PLEKHM1: variants seen among roughly 807,000 people sequenced by gnomAD.
PLEKHM1 encodes the protein pleckstrin homology and RUN domain containing M1, also known as pleckstrin homology domain-containing family M member 1.
Under a neutral mutation model 94.3 loss-of-function variants are expected in PLEKHM1, and 28 were observed. The observed-to-expected ratio is 0.30, with a 90% CI of 0.22 to 0.41. The LOEUF (loss-of-function observed/expected upper bound fraction) is 0.41. Ranked by LOEUF, PLEKHM1 falls within the 10% of genes least tolerant of loss-of-function variation. PLEKHM1 has a pLI of 1.00. For missense variants in PLEKHM1, 907 were observed against 1,358.6 expected, an observed-to-expected ratio of 0.67 and a Z score of 5.22; for synonymous variants, 424 against 581.2, an observed-to-expected ratio of 0.73 and a Z score of 3.89.
At chr17:45,435,408 A>G (rs1351062323), downstream of PLEKHM1, among the ~76,000 whole-genome samples, 1 of 152,210 alleles carries the variant, frequency 6.6e-6, no homozygotes. Flanking sequence ...GAAGGTCAGC[A>G]GCCAAGTAAA....
At chr17:45,487,867 G>C (rs1303103044) in intron 1 of PLEKHM1, 1 of 454,182 alleles carries the variant, frequency 2.2e-6, no homozygotes, top group Non-Finnish European at 4.4e-6. Context: ...GTAACTGGCT[G>C]TTCAGAGCCA....
At position 45,475,600 on chromosome 17, in the gene PLEKHM1, C is replaced by T; in HGVS notation, c.423G>A (p.Glu141=). Residue 141 remains glutamate (E), a synonymous_variant, in exon 4 of 12, where the codon GAG becomes GAA. Transcript: ENST00000430334. ...GGTAGTACTCATGCAAGCGGGCCTGCTCCTGCAGCAGCAGCTTCAGGTAGC... is the reference window on the plus strand; with the variant it reads ...GGTAGTACTCATGCAAGCGGGCCTGTTCCTGCAGCAGCAGCTTCAGGTAGC... ...MECYLKLLLQ[E]QARLHEYYQP... 1 of 1,614,028 alleles carries T rather than the reference C, an allele frequency of 6.2e-7. No homozygotes were observed. Among genetic ancestry groups the T allele is most frequent in the South Asian group, 1.1e-5 (1 of 91,076 alleles).
rs775097146 is a variant in PLEKHM1 at position 45,468,368 on chromosome 17, G to C, written c.1149C>G (p.Pro383=). ...TCTCTACAGGCTGCTGTAAGTCCAG[G>C]GGGCTGGGCGCCTGGGGACGCGGCT... ...VQEPRPQAPS[P]LDLQQPVEST... is the part of the protein sequence containing the mutation. The change falls in exon 5 of 12, where the codon CCC becomes CCG. Residue 383 remains proline (P), a synonymous_variant. Coordinates refer to ENST00000430334, the MANE Select transcript of PLEKHM1 (RefSeq NM_014798.3). The C allele has an allele frequency of 1.9e-5, 30 of 1,614,028 alleles. 1 individual carries two copies. In the South Asian group the frequency reaches 2.5e-4, roughly 14 times the overall value.
intron 8 of PLEKHM1, among the ~76,000 whole-genome samples, chr17:45,448,709 G>C (rs562820194): frequency 3.2e-4 from 49 of 152,248 alleles, no homozygotes; most frequent in South Asian, 3.1e-3. Context: ...CACAGACACT[G>C]TTGTTAACCC....
chr17:45,447,294 T>C (rs1241601181), intron 8 of PLEKHM1, among the ~76,000 whole-genome samples: 1 of 152,178 alleles, frequency 6.6e-6, no homozygotes, highest in Non-Finnish European at 1.5e-5. Flanking sequence ...AACCTCTTCT[T>C]TTCCCAAAGC....
intron 9 of PLEKHM1, among the ~76,000 whole-genome samples, chr17:45,443,880 G>A (rs1253923751): frequency 6.6e-6 from 1 of 152,118 alleles, no homozygotes; most frequent in Non-Finnish European, 1.5e-5. Context: ...GCTTGGGATG[G>A]GCAGAGCCTC....
chr17:45,458,238 T>C lies in PLEKHM1; in HGVS notation c.1510A>G (p.Arg504Gly). 1.2e-6 allele frequency: 2 copies of C among 1,612,944 alleles called. No individual in the cohort carries two copies. The highest frequency in any genetic ancestry group is 1.7e-6 in the Non-Finnish European group (2 of 1,179,428). Residue 504 changes from arginine to glycine, a missense_variant, in exon 6 of 12, where the codon AGA (arginine) becomes GGA (glycine). Physicochemically the swap from Arg to Gly is moderately radical, Grantham distance 125. Transcript: ENST00000430334. ...GATGGGGCTGCCTGGGCTTGCCTTC[T>C]TCCTGGGGAAGGTACACACGCTTGG... ...LDQACVPSPGRRQAQAAPSQG... is the reference protein window; with the variant it reads ...LDQACVPSPGGRQAQAAPSQG...
At chr17:45,439,901 C>G in intron 10 of PLEKHM1, 1 of 640,216 alleles carries the variant, frequency 1.6e-6, no homozygotes, top group Non-Finnish European at 2.8e-6. Context: ...GTACCCTCCC[C>G]TTGGGGAAAG....
At chr17:45,465,448 C>A (rs1270843872) in intron 5 of PLEKHM1, among the ~76,000 whole-genome samples, 3 of 152,004 alleles carry the variant, frequency 2.0e-5, no homozygotes, top group Non-Finnish European at 2.9e-5. Context: ...GTGGCTCATG[C>A]CTGTAATCCC....
At chr17:45,440,853 G>T in intron 9 of PLEKHM1, 2 of 173,996 alleles carry the variant, frequency 1.1e-5, no homozygotes, top group East Asian at 1.5e-4. Flanking sequence ...CAGTGCTGGG[G>T]ACAGCAATGC....
chr17:45,472,522 A>G (rs1281796644), intron 4 of PLEKHM1, among the ~76,000 whole-genome samples: 1 of 152,190 alleles, frequency 6.6e-6, no homozygotes, highest in Non-Finnish European at 1.5e-5. Context: ...ACACACAGGA[A>G]GGGCTAAGAC....
At chr17:45,460,261 A>C (rs1440668789) in intron 5 of PLEKHM1, 1 of 152,002 alleles carries the variant, frequency 6.6e-6, no homozygotes, top group East Asian at 1.9e-4. Context: ...AATAAATACC[A>C]GTTTTGTTTT....
chr17:45,464,682 GCGC>G (rs1389178967), intron 5 of PLEKHM1, among the ~76,000 whole-genome samples: 2 of 152,114 alleles, frequency 1.3e-5, no homozygotes, highest in Admixed American at 6.5e-5. Flanking sequence ...TCAGCACCAA[GCGC>G]TTAGATGTCA....
At chr17:45,470,880 A>G (rs1225283064) in intron 4 of PLEKHM1, among the ~76,000 whole-genome samples, 3 of 151,616 alleles carry the variant, frequency 2.0e-5, no homozygotes, top group African/African-American at 7.3e-5. Context: ...TTTAACCAGG[A>G]TGGTCTCGAT....
Position 45,437,661 on chromosome 17 carries a change from G to A in PLEKHM1, c.*197C>T, listed in dbSNP as rs529881326. On this transcript the variant is annotated 3_prime_UTR_variant, in exon 12 of 12. Coordinates refer to ENST00000430334, the MANE Select transcript of PLEKHM1 (RefSeq NM_014798.3). The surrounding 1 kb of genome is among the most constrained non-coding windows in gnomAD (Gnocchi z 4.0). Reference sequence around the variant, plus strand: ...GCCACGCCTCCTGCAGCAGAGGGGTGGGGGGAGGGCCAGGGGACACCACGG... The same window carrying A: ...GCCACGCCTCCTGCAGCAGAGGGGTAGGGGGAGGGCCAGGGGACACCACGG... 2.8e-5 allele frequency: 19 copies of A among 682,394 alleles called. No individual in the cohort carries two copies. Among genetic ancestry groups the A allele is most frequent in the East Asian group, 8.4e-5 (3 of 35,842 alleles). The allele number at this position is 682,394 out of a possible 1,614,324, so 42.3% of individuals were successfully genotyped here.
At chr17:45,458,473 A>G (rs1259681059) in intron 5 of PLEKHM1, 34 bp from the exon 6 acceptor site, 2 of 1,598,554 alleles carry the variant, frequency 1.3e-6, no homozygotes, top group Non-Finnish European at 1.7e-6. Context: ...TGTTTGTTTT[A>G]AAGTTTTTTT....
At chr17:45,490,004 G>T (rs895966682) in intron 1 of PLEKHM1, among the ~76,000 whole-genome samples, 6 of 152,170 alleles carry the variant, frequency 3.9e-5, no homozygotes, top group African/African-American at 1.4e-4. Flanking sequence ...GCAAAGGAAG[G>T]TATACAGTGG....
chr17:45,463,266 C>T (rs968919572), intron 5 of PLEKHM1, among the ~76,000 whole-genome samples: 13 of 152,094 alleles, frequency 8.5e-5, no homozygotes, highest in African/African-American at 3.1e-4. Context: ...AATGCAGGTT[C>T]CTCGGAGCTT....
intron 8 of PLEKHM1, among the ~76,000 whole-genome samples, chr17:45,448,359 AG>A (rs2050674927): frequency 6.6e-6 from 1 of 152,274 alleles, no homozygotes; most frequent in African/African-American, 2.4e-5. Context: ...TCCCCGCCCC[AG>A]GGAGGTGGAG....
Sources: gnomAD v4.1 joint callset for allele counts (sites outside exome capture counted in the v4.1 genomes callset) on GRCh38, gnomAD v4.1.1 for gene constraint, Gnocchi (gnomAD v3.1) non-coding constraint, MANE v1.5 for transcripts, NCBI Gene and HGNC (gene_info 2026-07-23, HGNC 2026-07-21) for gene names.